Variants in OR4Q3 observed in about 807,000 individuals in gnomAD.
OR4Q3 encodes olfactory receptor 4Q3.
In OR4Q3, 17 loss-of-function variants were observed where a neutral mutation model predicts 18.8. The ratio of observed to expected loss-of-function variants is 0.91; its 90% CI spans 0.62 to 1.36. OR4Q3 has a LOEUF of 1.36. Ranked by LOEUF, OR4Q3 falls within the 40% of genes most tolerant of loss-of-function variation. The probability of loss-of-function intolerance (pLI) is 0.00; values close to 1 mark genes in which losing one functional copy is unlikely to be tolerated. For missense variants in OR4Q3, 378 were observed against 373.4 expected, an observed-to-expected ratio of 1.01 and a Z score of -0.10; for synonymous variants, 158 against 145.8, an observed-to-expected ratio of 1.08 and a Z score of -0.60.
chr14:19,751,988 T>C, downstream of OR4Q3, among the ~76,000 whole-genome samples: 369 of 152,302 alleles, frequency 2.4e-3, no homozygotes, highest in African/African-American at 8.6e-3. Flanking sequence ...AAGATGAAGC[T>C]AGACCCTTGC....
exon 2 of OR4Q3, chr14:19,748,051 T>C: frequency 6.2e-7 from 1 of 1,614,076 alleles, no homozygotes; most frequent in African/African-American, 1.3e-5. Context: ...GTCTGCTGTC[T>C]CTTGTCTGCT....
At chr14:19,749,739 T>G, downstream of OR4Q3, among the ~76,000 whole-genome samples, 1 of 150,438 alleles carries the variant, frequency 6.6e-6, no homozygotes, top group Non-Finnish European at 1.5e-5. Flanking sequence ...TTTTCTTTCT[T>G]TCTCTCTCTC....
chr14:19,750,173 C>T, downstream of OR4Q3, among the ~76,000 whole-genome samples: 2 of 151,906 alleles, frequency 1.3e-5, no homozygotes, highest in East Asian at 1.9e-4. Context: ...TTAGTAAAGA[C>T]GGGGTTTCTC....
At chr14:19,748,436 C>T in exon 2 of OR4Q3, 89 of 1,260,114 alleles carry the variant, frequency 7.1e-5, no homozygotes, top group Non-Finnish European at 9.1e-5. Context: ...TCATCTTGTA[C>T]ATGGGTAAAA....
At chr14:19,745,471 G>T in intron 1 of OR4Q3, among the ~76,000 whole-genome samples, 1 of 152,180 alleles carries the variant, frequency 6.6e-6, no homozygotes, top group African/African-American at 2.4e-5. Flanking sequence ...TAATCACTTT[G>T]TTTCTCAGCC....
At chr14:19,750,427 T>G, downstream of OR4Q3, among the ~76,000 whole-genome samples, 1 of 152,268 alleles carries the variant, frequency 6.6e-6, no homozygotes, top group Non-Finnish European at 1.5e-5. Context: ...AAAATGTGTT[T>G]ATTCTATTTA....
At position 19,748,135 on chromosome 14, in the gene OR4Q3, G is replaced by A; in HGVS notation, c.732G>A (p.Lys244=). The change falls in exon 2 of 2, where the codon AAG becomes AAA. Residue 244 remains lysine, a synonymous_variant. Transcript: ENST00000642117. ...CACACTTCTGCCAGGGCCAGAACAA[G>A]GTCTTCTCTACCTGTGCTTCTCACC... The A allele has an allele frequency of 1.1e-4, 181 of 1,614,030 alleles. 1 individual carries two copies. The Middle Eastern group carries it at 3.1e-3, about 28-fold the overall frequency.
At chr14:19,748,653 T>G in exon 2 of OR4Q3, 1 of 425,690 alleles carries the variant, frequency 2.3e-6, no homozygotes, top group South Asian at 3.8e-5. Context: ...TCTATCTTTA[T>G]GTCTCTAAGT....
chr14:19,744,618 T>A (rs58221489), intron 1 of OR4Q3, among the ~76,000 whole-genome samples: 3 of 152,156 alleles, frequency 2.0e-5, no homozygotes, highest in African/African-American at 7.2e-5. Context: ...GCATTCTCAA[T>A]TTTTTTGGCT....
At chr14:19,746,029 G>A in intron 1 of OR4Q3, among the ~76,000 whole-genome samples, 1 of 152,056 alleles carries the variant, frequency 6.6e-6, no homozygotes, top group Non-Finnish European at 1.5e-5. Flanking sequence ...ACATCCTAGA[G>A]AAAGTTTTGT....
At chr14:19,750,626 G>C, downstream of OR4Q3, among the ~76,000 whole-genome samples, 1 of 152,200 alleles carries the variant, frequency 6.6e-6, no homozygotes, top group African/African-American at 2.4e-5. Flanking sequence ...TCGTGTAAGA[G>C]CTTTCTTGAT....
downstream of OR4Q3, among the ~76,000 whole-genome samples, chr14:19,749,847 CTTCTTTCTTTCTTTCTTTCTTTCTTTCT>C: frequency 0.036 from 4,071 of 113,180 alleles, 57 homozygotes; most frequent in Non-Finnish European, 0.049. Flanking sequence ...ATACAGATTA[CTTCTTTCTTTCTTTCTTTCTTTCTTTCT>C]TTCTTTCTTT....
At chr14:19,751,239 C>G, downstream of OR4Q3, among the ~76,000 whole-genome samples, 1 of 152,168 alleles carries the variant, frequency 6.6e-6, no homozygotes, top group African/African-American at 2.4e-5. Context: ...CCTACTTGAT[C>G]GTGGTGAATT....
chr14:19,749,511 A>C, downstream of OR4Q3: 1 of 151,188 alleles, frequency 6.6e-6, no homozygotes, highest in Non-Finnish European at 1.5e-5. Context: ...AGGCAGGAGA[A>C]TCACTTGAAC....
chr14:19,751,930 A>G, downstream of OR4Q3, among the ~76,000 whole-genome samples: 2 of 152,110 alleles, frequency 1.3e-5, no homozygotes, highest in African/African-American at 4.8e-5. Context: ...CTAGCTCTGG[A>G]GTTGGTTTGT....
downstream of OR4Q3, among the ~76,000 whole-genome samples, chr14:19,749,898 CTTTCTTTCTTTTT>C: frequency 2.7e-4 from 6 of 22,090 alleles, 1 homozygote; most frequent in Non-Finnish European, 8.2e-4. Flanking sequence ...TTCTTTCTTT[CTTTCTTTCTTTTT>C]TCTTTCTTTC....
intron 1 of OR4Q3, among the ~76,000 whole-genome samples, chr14:19,743,936 G>A (rs1227688328): frequency 1.3e-5 from 2 of 152,142 alleles, no homozygotes; most frequent in Admixed American, 1.3e-4. Context: ...GATAAGATAG[G>A]CCCAAATTCA....
downstream of OR4Q3, among the ~76,000 whole-genome samples, chr14:19,749,866 CT>C: frequency 2.1e-3 from 104 of 49,092 alleles, no homozygotes; most frequent in African/African-American, 5.9e-3. Context: ...TTCTTTCTTT[CT>C]TTCTTTCTTT....
downstream of OR4Q3, among the ~76,000 whole-genome samples, chr14:19,749,902 CTTTCTTTTTTCTTTCTTTCTT>C: frequency 1.4e-4 from 2 of 14,318 alleles, no homozygotes; most frequent in Non-Finnish European, 2.9e-4. Context: ...TTCTTTCTTT[CTTTCTTTTTTCTTTCTTTCTT>C]TCTCTCTCTC....
Sources: allele counts gnomAD v4.1 joint callset (sites outside exome capture counted in the v4.1 genomes callset), GRCh38; gene constraint gnomAD v4.1.1; transcripts MANE v1.5; gene names NCBI Gene and HGNC (gene_info 2026-07-23, HGNC 2026-07-21).